FGF14: variants seen among roughly 807,000 people sequenced by gnomAD.
FGF14 encodes fibroblast growth factor 14, also known as fibroblast growth factor homologous factor 4.
FGF14 carries 5 observed loss-of-function variants against 25.5 expected under a neutral mutation model. The ratio of observed to expected loss-of-function variants is 0.20; its 90% CI spans 0.10 to 0.41. The LOEUF (loss-of-function observed/expected upper bound fraction) is 0.41. FGF14 is among the 10% of genes least tolerant of loss of function. The probability of loss-of-function intolerance (pLI) is 1.00; values close to 1 mark genes in which losing one functional copy is unlikely to be tolerated. For missense variants in FGF14, 222 were observed against 320.1 expected (o/e 0.69, Z 2.34); for synonymous variants, 138 against 118.3 (o/e 1.17, Z -1.08).
chr13:102,349,061 G>A (rs2057196839), intron 1 of FGF14, among the ~76,000 whole-genome samples: 1 of 152,120 alleles, frequency 6.6e-6, no homozygotes, highest in South Asian at 2.1e-4. Flanking sequence ...CTGTGAGAGT[G>A]GGGTAATGAT....
chr13:101,713,201 CAT>C lies in FGF14; in HGVS notation c.*9628_*9629del, dbSNP rs1379256482. The C allele has an allele frequency of 7.9e-5, 12 of 152,190 alleles. No homozygotes were observed. Among genetic ancestry groups the C allele is most frequent in the Admixed American group, 7.2e-4 (11 of 15,278 alleles). 9.4% of individuals were successfully genotyped at this position (152,190 alleles called of 1,614,324 possible). On this transcript the variant is annotated 3_prime_UTR_variant, in exon 5 of 5. Coordinates refer to ENST00000376143, the MANE Select transcript of FGF14 (RefSeq NM_004115.4). ...CCAGTTTCCCTGATATGAAATATCACATAGTTGAGACACATGAACCTGAATCC... is the reference window on the plus strand; with the variant it reads ...CCAGTTTCCCTGATATGAAATATCACAGTTGAGACACATGAACCTGAATCC...
chr13:102,135,734 C>A (rs551719479), intron 1 of FGF14, among the ~76,000 whole-genome samples: 2 of 152,320 alleles, frequency 1.3e-5, no homozygotes, highest in East Asian at 3.9e-4. Flanking sequence ...CAGCTTACTG[C>A]AACCTCTGCC....
chr13:102,332,344 G>A (rs2056658617), intron 1 of FGF14, among the ~76,000 whole-genome samples: 1 of 152,090 alleles, frequency 6.6e-6, no homozygotes, highest in Non-Finnish European at 1.5e-5. Flanking sequence ...AAATGATGCA[G>A]TAGAAGTAAA....
intron 1 of FGF14, among the ~76,000 whole-genome samples, chr13:102,161,631 G>GTGTTT (rs1566764757): frequency 1.5e-4 from 1 of 6,628 alleles, no homozygotes. Context: ...AGAAGAAGAA[G>GTGTTT]AAGAAGAAGA....
chr13:101,991,421 A>G (rs982831348), intron 1 of FGF14, among the ~76,000 whole-genome samples: 2 of 152,122 alleles, frequency 1.3e-5, no homozygotes, highest in African/African-American at 4.8e-5. Flanking sequence ...AATACAGTGG[A>G]AAAATACCAA....
At chr13:102,377,584 A>G (rs145336690) in intron 1 of FGF14, among the ~76,000 whole-genome samples, 1,689 of 152,250 alleles carry the variant, frequency 0.011, 22 homozygotes, top group African/African-American at 0.039. Context: ...TGAGGCAGGC[A>G]GATCACCTGA....
chr13:101,990,619 C>T (rs569520396), intron 1 of FGF14, among the ~76,000 whole-genome samples: 2 of 152,210 alleles, frequency 1.3e-5, no homozygotes, highest in South Asian at 4.1e-4. Flanking sequence ...ATCTCTAGCA[C>T]TGCATCAGTA....
chr13:101,754,028 T>C (rs2139858018), intron 3 of FGF14, among the ~76,000 whole-genome samples: 2 of 152,292 alleles, frequency 1.3e-5, no homozygotes, highest in Non-Finnish European at 2.9e-5. Flanking sequence ...AGACCACGTA[T>C]GCCCGCGTGC....
At chr13:101,981,350 A>G (rs1378090967) in intron 1 of FGF14, among the ~76,000 whole-genome samples, 1 of 152,174 alleles carries the variant, frequency 6.6e-6, no homozygotes, top group Admixed American at 6.5e-5. Flanking sequence ...CACAGCTAGA[A>G]GGTGCCATCT....
intron 1 of FGF14, among the ~76,000 whole-genome samples, chr13:102,093,145 T>C (rs1396100457): frequency 6.6e-6 from 1 of 152,108 alleles, no homozygotes; most frequent in African/African-American, 2.4e-5. Context: ...TGGAGATTTG[T>C]GAAAATTTGC....
chr13:101,814,710 T>C (rs1210621028), intron 3 of FGF14, among the ~76,000 whole-genome samples: 8 of 152,216 alleles, frequency 5.3e-5, no homozygotes, highest in African/African-American at 1.7e-4. Context: ...TCACCCAGCA[T>C]AATGTTTTTG....
intron 1 of FGF14, among the ~76,000 whole-genome samples, chr13:102,035,809 C>A (rs1293633896): frequency 6.6e-6 from 1 of 152,130 alleles, no homozygotes; most frequent in Admixed American, 6.6e-5. Flanking sequence ...CTTTACCAGA[C>A]AGTCACCAAT....
chr13:101,749,864 G>A (rs1318843424), intron 3 of FGF14, among the ~76,000 whole-genome samples: 1 of 152,058 alleles, frequency 6.6e-6, no homozygotes, highest in Non-Finnish European at 1.5e-5. Flanking sequence ...GATCTGACAT[G>A]TTTGTGTCCC....
intron 1 of FGF14, chr13:102,366,354 A>C (rs2057712438): frequency 1.3e-5 from 2 of 152,220 alleles, no homozygotes; most frequent in African/African-American, 4.8e-5. Flanking sequence ...TACCAGTACC[A>C]GTGGTCAAGA....
intron 3 of FGF14, among the ~76,000 whole-genome samples, chr13:101,730,819 T>C (rs1184075263): frequency 6.6e-6 from 1 of 152,126 alleles, no homozygotes; most frequent in Non-Finnish European, 1.5e-5. Flanking sequence ...CATGGCACCG[T>C]AATGAGGATA....
chr13:102,181,897 A>G (rs1189047578), intron 1 of FGF14, among the ~76,000 whole-genome samples: 2 of 152,172 alleles, frequency 1.3e-5, no homozygotes, highest in African/African-American at 4.8e-5. Context: ...TGGAAGAAAG[A>G]ACAAGAAAAG....
At chr13:102,067,484 CA>C (rs200949563) in intron 1 of FGF14, among the ~76,000 whole-genome samples, 2 of 149,244 alleles carry the variant, frequency 1.3e-5, no homozygotes, top group African/African-American at 2.5e-5. Flanking sequence ...GGTGATTGCA[CA>C]AAAAAAAAGA....
Position 101,751,198 on chromosome 13 carries a change from G to T in FGF14, c.409-24388C>A, listed in dbSNP as rs569986956. ...GTTAACTCTAATGTAAACTATGGAC[G>T]TTAGCTAATATTAATTTATCAATAT... On this transcript the variant is annotated intron_variant, in intron 3 of 4. Coordinates refer to ENST00000376143, the MANE Select transcript of FGF14 (RefSeq NM_004115.4). 3.9e-5 allele frequency among the ~76,000 whole-genome samples: 6 copies of T among 152,228 alleles called. No individual in the cohort carries two copies. The South Asian group carries it at 1.2e-3, about 32-fold the overall frequency.
At chr13:102,394,469 C>T (rs538784310) in intron 1 of FGF14, 1 of 152,504 alleles carries the variant, frequency 6.6e-6, no homozygotes, top group Non-Finnish European at 1.5e-5. Context: ...GACCCGCGCC[C>T]CAAGTCTCTC....
Sources: gnomAD v4.1 joint callset for allele counts (sites outside exome capture counted in the v4.1 genomes callset) on GRCh38, gnomAD v4.1.1 for gene constraint, MANE v1.5 for transcripts, NCBI Gene and HGNC (gene_info 2026-07-23, HGNC 2026-07-21) for gene names.